Variants in LHFPL3 observed in about 807,000 individuals in gnomAD.
LHFPL3 encodes the protein LHFPL tetraspan subfamily member 3 protein.
In LHFPL3, 5 loss-of-function variants were observed where a neutral mutation model predicts 19.3. The observed-to-expected ratio is 0.26, with a 90% CI of 0.14 to 0.54. The LOEUF is 0.54. Among genes scored for constraint, LHFPL3 ranks in the 20% least tolerant of loss-of-function variants. The probability of loss-of-function intolerance (pLI) is 0.94; values close to 1 mark genes in which losing one functional copy is unlikely to be tolerated. For missense variants in LHFPL3, 249 were observed against 307.4 expected (o/e 0.81, Z 1.42); for synonymous variants, 133 against 126.2 (o/e 1.05, Z -0.36).
chr7:104,668,111 C>T lies in LHFPL3; in HGVS notation c.446-68564C>T, dbSNP rs1584470473. 3 of 1,613,948 alleles carry T rather than the reference C, an allele frequency of 1.9e-6. No individual in the cohort carries two copies. The East Asian group carries it at 6.7e-5, about 36-fold the overall frequency. On this transcript the variant is annotated intron_variant, in intron 1 of 2. Coordinates refer to ENST00000424859, the MANE Select transcript of LHFPL3 (RefSeq NM_199000.3). ...AGGAATTCTTTCGAGGATTAAATATCAGTGCAGTGCGTTTACCACGTGAAC... is the reference window on the plus strand; with the variant it reads ...AGGAATTCTTTCGAGGATTAAATATTAGTGCAGTGCGTTTACCACGTGAAC...
chr7:104,614,638 CTTCTCTTCTCTTCTCTCCTTCCT>C (rs1791281102), intron 1 of LHFPL3, among the ~76,000 whole-genome samples: 1 of 128,680 alleles, frequency 7.8e-6, no homozygotes, highest in Admixed American at 7.9e-5. Context: ...CTTCTCTTCT[CTTCTCTTCTCTTCTCTCCTTCCT>C]TCCTTCCTTC....
chr7:104,598,319 T>A (rs1017330365), intron 1 of LHFPL3, among the ~76,000 whole-genome samples: 2 of 152,192 alleles, frequency 1.3e-5, no homozygotes, highest in Non-Finnish European at 2.9e-5. Context: ...AACTATTGTT[T>A]CCATATCAGC....
intron 1 of LHFPL3, among the ~76,000 whole-genome samples, chr7:104,439,607 A>G (rs1189759827): frequency 1.3e-5 from 2 of 152,148 alleles, no homozygotes; most frequent in Non-Finnish European, 2.9e-5. Context: ...TTCTGTATTG[A>G]TGCAGAAAGA....
chr7:104,591,420 T>C (rs747012914), intron 1 of LHFPL3, among the ~76,000 whole-genome samples: 6 of 152,256 alleles, frequency 3.9e-5, no homozygotes, highest in Non-Finnish European at 7.3e-5. Flanking sequence ...AATTCTTTTC[T>C]TTAAGAATGT....
chr7:104,520,872 A>G (rs1794044703), intron 1 of LHFPL3, among the ~76,000 whole-genome samples: 1 of 148,504 alleles, frequency 6.7e-6, no homozygotes, highest in Admixed American at 6.8e-5. Context: ...CGGTCTATCA[A>G]TTTTGTTGAT....
chr7:104,851,615 C>T (rs1188885038), intron 2 of LHFPL3, among the ~76,000 whole-genome samples: 1 of 152,186 alleles, frequency 6.6e-6, no homozygotes, highest in African/African-American at 2.4e-5. Flanking sequence ...TCCCAACTCT[C>T]CTCAACACAG....
intron 1 of LHFPL3, among the ~76,000 whole-genome samples, chr7:104,600,344 C>G (rs1229813988): frequency 1.3e-5 from 2 of 152,168 alleles, no homozygotes; most frequent in Non-Finnish European, 2.9e-5. Context: ...GAGAATCAAA[C>G]CCTCAGGAGC....
At chr7:104,880,879 T>C (rs1358330191) in intron 2 of LHFPL3, among the ~76,000 whole-genome samples, 1 of 152,078 alleles carries the variant, frequency 6.6e-6, no homozygotes, top group Non-Finnish European at 1.5e-5. Context: ...ATTTAAGAAA[T>C]ACTTTGTGTG....
At chr7:104,777,904 A>T (rs1279619086) in intron 2 of LHFPL3, among the ~76,000 whole-genome samples, 1 of 152,182 alleles carries the variant, frequency 6.6e-6, no homozygotes, top group Admixed American at 6.5e-5. Flanking sequence ...TAAGTAAGTC[A>T]TTTAGGCAGC....
At chr7:104,611,011 T>G (rs556335396) in intron 1 of LHFPL3, among the ~76,000 whole-genome samples, 7 of 152,280 alleles carry the variant, frequency 4.6e-5, no homozygotes, top group African/African-American at 1.7e-4. Flanking sequence ...AGCAATGAGA[T>G]GCTGGCAATT....
At chr7:104,463,739 G>A (rs968638587) in intron 1 of LHFPL3, among the ~76,000 whole-genome samples, 2 of 152,174 alleles carry the variant, frequency 1.3e-5, no homozygotes, top group African/African-American at 4.8e-5. Context: ...CAGCATGAAG[G>A]TAACTGTCTC....
intron 1 of LHFPL3, among the ~76,000 whole-genome samples, chr7:104,569,233 C>A (rs999574457): frequency 8.1e-4 from 124 of 152,170 alleles, no homozygotes; most frequent in Non-Finnish European, 3.8e-4. Flanking sequence ...GCACCCATTA[C>A]AGTATGCAAT....
At chr7:104,451,615 TTTC>T (rs71519176) in intron 1 of LHFPL3, among the ~76,000 whole-genome samples, 83,058 of 151,804 alleles carry the variant, frequency 0.55, 23,609 homozygotes, top group Non-Finnish European at 0.63. Context: ...AACATCCTTT[TTTC>T]TTCTTTTTCT....
At chr7:104,842,455 C>T (rs1267850767) in intron 2 of LHFPL3, among the ~76,000 whole-genome samples, 3 of 152,162 alleles carry the variant, frequency 2.0e-5, no homozygotes, top group African/African-American at 4.8e-5. Context: ...TTGACTAAAA[C>T]TCACAGTATA....
intron 2 of LHFPL3, among the ~76,000 whole-genome samples, chr7:104,903,775 TG>T (rs1049581061): frequency 2.1e-4 from 32 of 152,332 alleles, no homozygotes; most frequent in African/African-American, 7.7e-4. Context: ...CAATTTTTTA[TG>T]GCCACATAGT....
At chr7:104,654,927 C>T (rs1165585207) in intron 1 of LHFPL3, among the ~76,000 whole-genome samples, 1 of 152,172 alleles carries the variant, frequency 6.6e-6, no homozygotes, top group African/African-American at 2.4e-5. Flanking sequence ...CTCGCACTCC[C>T]TTATACCAAG....
intron 1 of LHFPL3, among the ~76,000 whole-genome samples, chr7:104,448,652 T>C (rs1176258127): frequency 6.6e-6 from 1 of 152,226 alleles, no homozygotes; most frequent in East Asian, 1.9e-4. Flanking sequence ...TCTATTTCAA[T>C]GTAAAAATCA....
At chr7:104,608,703 C>T (rs563613837) in intron 1 of LHFPL3, among the ~76,000 whole-genome samples, 27 of 152,202 alleles carry the variant, frequency 1.8e-4, no homozygotes, top group African/African-American at 5.8e-4. Context: ...AAAGGCACCA[C>T]GCCTGGCAGT....
At chr7:104,844,693 G>T (rs1791280495) in intron 2 of LHFPL3, among the ~76,000 whole-genome samples, 1 of 152,124 alleles carries the variant, frequency 6.6e-6, no homozygotes, top group Non-Finnish European at 1.5e-5. Flanking sequence ...GCTTGGTATT[G>T]ACTAGGAATA....
Sources: gnomAD v4.1 joint callset for allele counts (sites outside exome capture counted in the v4.1 genomes callset) on GRCh38, gnomAD v4.1.1 for gene constraint, MANE v1.5 for transcripts, NCBI Gene and HGNC (gene_info 2026-07-23, HGNC 2026-07-21) for gene names.